The following TMEM135 variants were observed in gnomAD, a reference collection of about 807,000 sequenced individuals.
The protein encoded by TMEM135 is peroxisomal membrane protein 52.
TMEM135 carries 30 observed loss-of-function variants against 60.3 expected under a neutral mutation model. That is an observed-to-expected ratio of 0.50 (90% confidence interval 0.37 to 0.68). The LOEUF is 0.68. Ranked by LOEUF, TMEM135 falls within the 30% of genes least tolerant of loss-of-function variation. TMEM135 has a pLI of 0.00. For synonymous variants in TMEM135, 190 were observed against 186.7 expected (o/e 1.02, Z -0.14); for missense variants, 468 against 548.8 (o/e 0.85, Z 1.47).
chr11:87,142,271 G>T (rs1249794550), intron 4 of TMEM135, among the ~76,000 whole-genome samples: 2 of 152,130 alleles, frequency 1.3e-5, no homozygotes, highest in Non-Finnish European at 2.9e-5. Flanking sequence ...TGAAGCTACT[G>T]TGGAAATCAT....
At chr11:87,149,202 C>T (rs606284) in intron 4 of TMEM135, among the ~76,000 whole-genome samples, 55,914 of 152,022 alleles carry the variant, frequency 0.37, 10,814 homozygotes, top group East Asian at 0.67. Flanking sequence ...GTCTTGACAA[C>T]TTCTAAACTG....
intron 10 of TMEM135, among the ~76,000 whole-genome samples, chr11:87,312,066 T>TTTACATATAATGTA (rs1183093871): frequency 6.6e-6 from 1 of 151,808 alleles, no homozygotes; most frequent in Non-Finnish European, 1.5e-5. Flanking sequence ...GTTTATACTG[T>TTTACATATAATGTA]TTACATATAA....
intron 4 of TMEM135, among the ~76,000 whole-genome samples, chr11:87,111,619 C>A (rs1172723718): frequency 6.1e-5 from 9 of 147,946 alleles, no homozygotes; most frequent in Admixed American, 6.1e-4. Flanking sequence ...CCACTGCACT[C>A]CAGCCTGGGC....
chr11:87,100,245 A>C (rs1417632487), intron 4 of TMEM135, among the ~76,000 whole-genome samples: 1 of 152,194 alleles, frequency 6.6e-6, no homozygotes, highest in Non-Finnish European at 1.5e-5. Flanking sequence ...ACTATGTCTG[A>C]GGGAAAGTGA....
At chr11:87,127,330 G>A (rs1937762114) in intron 4 of TMEM135, among the ~76,000 whole-genome samples, 2 of 152,138 alleles carry the variant, frequency 1.3e-5, no homozygotes, top group South Asian at 4.1e-4. Context: ...CCAAATTATT[G>A]CTCCATGGGT....
At chr11:87,067,355 A>G (rs1372983604) in intron 1 of TMEM135, among the ~76,000 whole-genome samples, 1 of 151,744 alleles carries the variant, frequency 6.6e-6, no homozygotes, top group Non-Finnish European at 1.5e-5. Context: ...TTATTATACC[A>G]TCCAGTTTTT....
intron 4 of TMEM135, among the ~76,000 whole-genome samples, chr11:87,136,199 T>C (rs1179850839): frequency 1.3e-5 from 2 of 152,058 alleles, no homozygotes; most frequent in Non-Finnish European, 2.9e-5. Context: ...TTTAAATCTG[T>C]ATGCCTTATG....
intron 4 of TMEM135, among the ~76,000 whole-genome samples, chr11:87,149,032 T>TTGTGTGTGTGTGTGTGTGTGTG (rs553840798): frequency 1.4e-5 from 2 of 143,598 alleles, no homozygotes; most frequent in Admixed American, 7.0e-5. Context: ...CCCCATACCT[T>TTGTGTGTGTGTGTGTGTGTGTG]TGTGTGTGTG....
At chr11:87,087,620 A>G (rs1327385672) in intron 3 of TMEM135, among the ~76,000 whole-genome samples, 1 of 152,232 alleles carries the variant, frequency 6.6e-6, no homozygotes, top group Non-Finnish European at 1.5e-5. Context: ...TTTGCAGAAT[A>G]AACTTCAGTG....
chr11:87,328,238 CTT>C lies in TMEM135; in HGVS notation c.*6909_*6910del. The C allele has an allele frequency of 2.2e-6, 1 of 454,046 alleles. No individual in the cohort carries two copies. The highest frequency in any genetic ancestry group is 4.4e-6 in the Non-Finnish European group (1 of 226,784). The allele number at this position is 454,046 out of a possible 1,614,324, so 28.1% of individuals were successfully genotyped here. ...CTTCTCTCTCTTGATTTAGAATTCTCTTTTTCTCCACTCTTCTGTGTATGCTA... is the reference window on the plus strand; with the variant it reads ...CTTCTCTCTCTTGATTTAGAATTCTCTTTCTCCACTCTTCTGTGTATGCTA... On this transcript the variant is annotated 3_prime_UTR_variant, in exon 15 of 15. Transcript: ENST00000305494.
intron 12 of TMEM135, 86 bp from the exon 13 acceptor site, chr11:87,318,051 G>T (rs1445317197): frequency 5.0e-6 from 5 of 1,005,228 alleles, no homozygotes; most frequent in Non-Finnish European, 7.9e-6. Context: ...ATTCAGAAAG[G>T]TTGTAGGCAG....
intron 6 of TMEM135, among the ~76,000 whole-genome samples, chr11:87,246,010 T>A (rs974768604): frequency 8.9e-5 from 13 of 145,818 alleles, no homozygotes; most frequent in African/African-American, 3.3e-4. Flanking sequence ...TTTCCATGTT[T>A]AGTGCTTCCT....
chr11:87,293,130 T>G (rs1329919385), intron 6 of TMEM135, among the ~76,000 whole-genome samples: 1 of 152,200 alleles, frequency 6.6e-6, no homozygotes, highest in African/African-American at 2.4e-5. Flanking sequence ...CTTACCTATC[T>G]AGATTATGGG....
rs940414770 is a variant in TMEM135 at position 87,318,240 on chromosome 11, G to A, written c.1176+5G>A. 6.3e-7 allele frequency: 1 copy of A among 1,598,574 alleles called. No homozygotes were observed. The highest frequency in any genetic ancestry group is 8.6e-7 in the Non-Finnish European group (1 of 1,168,224). On this transcript the variant is annotated splice_donor_5th_base_variant and intron_variant, in intron 13 of 14. Transcript: ENST00000305494. Reference sequence around the variant, plus strand: ...ACAGCAATTTGCTTCCAGGCAGTAAGTATAACTTTTTGAAATGAGAAATTG... The same window carrying A: ...ACAGCAATTTGCTTCCAGGCAGTAAATATAACTTTTTGAAATGAGAAATTG...
chr11:87,153,198 A>T (rs970066481), intron 4 of TMEM135, among the ~76,000 whole-genome samples: 6 of 152,232 alleles, frequency 3.9e-5, no homozygotes, highest in Admixed American at 6.5e-5. Flanking sequence ...ATAAAAGCAC[A>T]TATTGAACAG....
chr11:87,166,871 A>T (rs549122350), intron 5 of TMEM135, among the ~76,000 whole-genome samples: 2 of 152,218 alleles, frequency 1.3e-5, no homozygotes, highest in East Asian at 1.9e-4. Flanking sequence ...TGGGGATAGC[A>T]TTGAATCTGT....
At chr11:87,090,282 T>A (rs1857179901) in intron 3 of TMEM135, among the ~76,000 whole-genome samples, 1 of 152,190 alleles carries the variant, frequency 6.6e-6, no homozygotes, top group Non-Finnish European at 1.5e-5. Flanking sequence ...AAATGTTCCC[T>A]AATTTTAATG....
At chr11:87,257,782 A>G (rs1352285440) in intron 6 of TMEM135, among the ~76,000 whole-genome samples, 1 of 152,200 alleles carries the variant, frequency 6.6e-6, no homozygotes, top group Non-Finnish European at 1.5e-5. Context: ...AAAATGTTCT[A>G]AAAGTAATTG....
At chr11:87,059,333 C>G (rs1248478272) in intron 1 of TMEM135, among the ~76,000 whole-genome samples, 2 of 143,770 alleles carry the variant, frequency 1.4e-5, no homozygotes, top group East Asian at 4.0e-4. Flanking sequence ...GAGATGGAGT[C>G]TCGCTCTGTT....
Sources: allele counts gnomAD v4.1 joint callset (sites outside exome capture counted in the v4.1 genomes callset), GRCh38; gene constraint gnomAD v4.1.1; transcripts MANE v1.5; gene names NCBI Gene and HGNC (gene_info 2026-07-23, HGNC 2026-07-21).